FARS2: variants seen among roughly 807,000 people sequenced by gnomAD.
FARS2 encodes the protein phenylalanine--tRNA ligase, mitochondrial.
In FARS2, 40 loss-of-function variants were observed where a neutral mutation model predicts 46.4. The ratio of observed to expected loss-of-function variants is 0.86; its 90% CI spans 0.67 to 1.12. FARS2 has a LOEUF of 1.12. FARS2 is among the 50% of genes most tolerant of loss of function. FARS2 has a pLI of 0.00. For missense variants in FARS2, 513 were observed against 567.9 expected, an observed-to-expected ratio of 0.90 and a Z score of 0.98; for synonymous variants, 234 against 214.9, an observed-to-expected ratio of 1.09 and a Z score of -0.78.
intron 6 of FARS2, among the ~76,000 whole-genome samples, chr6:5,638,172 A>G (rs768702735): frequency 1.3e-5 from 2 of 152,196 alleles, no homozygotes; most frequent in Non-Finnish European, 2.9e-5. Context: ...CAGTACTTTT[A>G]AACAATGATA....
chr6:5,644,337 C>T lies in FARS2; in HGVS notation c.1217+31017C>T, dbSNP rs1776968641. On this transcript the variant is annotated intron_variant, in intron 6 of 6. Coordinates refer to ENST00000274680, the MANE Select transcript of FARS2 (RefSeq NM_006567.5). ...AAGTCATCCTCCCATGTCAGCCTCC[C>T]AAGTAGCTGAGACTACAGGTGCGCA... 2.0e-5 allele frequency among the ~76,000 whole-genome samples: 3 copies of T among 152,264 alleles called. 1 individual carries two copies. The South Asian group carries it at 6.2e-4, about 32-fold the overall frequency.
intron 5 of FARS2, among the ~76,000 whole-genome samples, chr6:5,585,636 A>G (rs1440491187): frequency 6.6e-6 from 1 of 152,110 alleles, no homozygotes; most frequent in Non-Finnish European, 1.5e-5. Context: ...ATGTTGTTAC[A>G]AATGGCAGGA....
At chr6:5,420,486 G>A (rs1250785258) in intron 3 of FARS2, among the ~76,000 whole-genome samples, 4 of 152,190 alleles carry the variant, frequency 2.6e-5, no homozygotes, top group Admixed American at 6.5e-5. Context: ...TGGGGGTACT[G>A]GCATTGGGTA....
chr6:5,753,244 G>A (rs1338074743), intron 6 of FARS2, among the ~76,000 whole-genome samples: 1 of 152,162 alleles, frequency 6.6e-6, no homozygotes, highest in Non-Finnish European at 1.5e-5. Flanking sequence ...GAAAGATGGT[G>A]GCCAGAGGGG....
At chr6:5,659,416 C>T (rs1216257863) in intron 6 of FARS2, among the ~76,000 whole-genome samples, 1 of 152,188 alleles carries the variant, frequency 6.6e-6, no homozygotes, top group East Asian at 1.9e-4. Flanking sequence ...CCTGCCATCC[C>T]TTGAGGAACT....
chr6:5,283,548 C>A (rs1194810997), intron 1 of FARS2, among the ~76,000 whole-genome samples: 396 of 124,752 alleles, frequency 3.2e-3, no homozygotes, highest in Middle Eastern at 4.2e-3. Flanking sequence ...GACTTTGTTT[C>A]AAAAAAAAAA....
chr6:5,283,899 C>T, intron 1 of FARS2, among the ~76,000 whole-genome samples: 1 of 152,192 alleles, frequency 6.6e-6, no homozygotes, highest in East Asian at 1.9e-4. Context: ...CTCATTCAGG[C>T]ATCATTTTGC....
intron 4 of FARS2, among the ~76,000 whole-genome samples, chr6:5,444,702 G>C (rs1016881795): frequency 6.6e-6 from 1 of 152,122 alleles, no homozygotes; most frequent in African/African-American, 2.4e-5. Context: ...TAGATGGATG[G>C]CTGTGTGGGT....
At chr6:5,710,499 G>C (rs1582811649) in intron 6 of FARS2, among the ~76,000 whole-genome samples, 1 of 152,212 alleles carries the variant, frequency 6.6e-6, no homozygotes, top group Middle Eastern at 3.4e-3. Context: ...AGTAGTCCAG[G>C]ACGGTGGTCG....
Position 5,596,629 on chromosome 6 carries a change from A to G in FARS2, c.1066-16540A>G, listed in dbSNP as rs564271236. Among the ~76,000 whole-genome samples, 9 of 152,336 alleles carry G rather than the reference A, an allele frequency of 5.9e-5. No individual in the cohort carries two copies. The East Asian group carries it at 1.7e-3, about 29-fold the overall frequency. ...CATAGGATTTATTTGATGGAACACT[A>G]AAAAGCTACTTTTCCAGATTCCAAA... On this transcript the variant is annotated intron_variant, in intron 5 of 6. Transcript: ENST00000274680.
intron 4 of FARS2, among the ~76,000 whole-genome samples, chr6:5,435,653 C>T (rs1393947100): frequency 1.3e-5 from 2 of 152,122 alleles, no homozygotes; most frequent in Admixed American, 6.6e-5. Flanking sequence ...TACACACTTG[C>T]CTCCCACTGG....
At chr6:5,547,830 C>T (rs561003141) in intron 5 of FARS2, among the ~76,000 whole-genome samples, 4 of 152,310 alleles carry the variant, frequency 2.6e-5, no homozygotes, top group African/African-American at 4.8e-5. Flanking sequence ...GCCCCAGTGG[C>T]GACAGCAGCC....
At chr6:5,579,495 A>T (rs1477419244) in intron 5 of FARS2, among the ~76,000 whole-genome samples, 1 of 152,126 alleles carries the variant, frequency 6.6e-6, no homozygotes, top group Non-Finnish European at 1.5e-5. Context: ...GCTGGTCTCG[A>T]ACTCTTGACC....
intron 1 of FARS2, among the ~76,000 whole-genome samples, chr6:5,295,122 T>G (rs1767765296): frequency 6.6e-6 from 1 of 151,926 alleles, no homozygotes; most frequent in East Asian, 1.9e-4. Context: ...TCTTGGAGAG[T>G]GGCACGAGGC....
chr6:5,653,588 C>A (rs1023070001), intron 6 of FARS2, among the ~76,000 whole-genome samples: 3 of 152,204 alleles, frequency 2.0e-5, no homozygotes, highest in African/African-American at 4.8e-5. Context: ...ATGAGAGGAA[C>A]AAGCAGGCCC....
At chr6:5,742,461 T>C (rs1251065520) in intron 6 of FARS2, among the ~76,000 whole-genome samples, 2 of 152,272 alleles carry the variant, frequency 1.3e-5, no homozygotes, top group South Asian at 2.1e-4. Flanking sequence ...GCACTCAGTA[T>C]TTTTTTCCCC....
At chr6:5,554,360 C>T (rs868222089) in intron 5 of FARS2, among the ~76,000 whole-genome samples, 2 of 152,264 alleles carry the variant, frequency 1.3e-5, no homozygotes, top group South Asian at 4.2e-4. Flanking sequence ...GAAGCATCAG[C>T]AGGAGGGACA....
At chr6:5,523,305 TG>T (rs1233742283) in intron 4 of FARS2, among the ~76,000 whole-genome samples, 2 of 151,988 alleles carry the variant, frequency 1.3e-5, no homozygotes, top group African/African-American at 4.8e-5. Context: ...GGTGGTGAGC[TG>T]GGAAGGGTCA....
At chr6:5,509,192 G>T (rs1166477779) in intron 4 of FARS2, among the ~76,000 whole-genome samples, 2 of 152,200 alleles carry the variant, frequency 1.3e-5, no homozygotes, top group Non-Finnish European at 2.9e-5. Flanking sequence ...TTGTAGCCAA[G>T]ATTTCATTTC....
Sources: allele counts gnomAD v4.1 joint callset (sites outside exome capture counted in the v4.1 genomes callset), GRCh38; gene constraint gnomAD v4.1.1; transcripts MANE v1.5; gene names NCBI Gene and HGNC (gene_info 2026-07-23, HGNC 2026-07-21).